The following XRCC5 variants were observed in gnomAD, a reference collection of about 807,000 sequenced individuals.
XRCC5 encodes X-ray repair cross complementing 5.
XRCC5 carries 12 observed loss-of-function variants against 95.7 expected under a neutral mutation model. That is an observed-to-expected ratio of 0.13 (90% confidence interval 0.08 to 0.20). The LOEUF (loss-of-function observed/expected upper bound fraction) is 0.20, where lower values mean the gene tolerates loss of function less well. Ranked by LOEUF, XRCC5 falls within the 10% of genes least tolerant of loss-of-function variation. The pLI is 1.00. For missense variants in XRCC5, 595 were observed against 873.9 expected, an observed-to-expected ratio of 0.68 and a Z score of 4.02; for synonymous variants, 281 against 290.3, an observed-to-expected ratio of 0.97 and a Z score of 0.33.
intron 2 of XRCC5, among the ~76,000 whole-genome samples, chr2:216,114,529 A>G (rs1039261871): frequency 6.6e-6 from 1 of 151,578 alleles, no homozygotes; most frequent in African/African-American, 2.4e-5. Context: ...GCCCCCGAGA[A>G]TGTTGGGCAT....
chr2:216,141,117 C>T (rs774812546), intron 12 of XRCC5, 69 bp from the exon 13 acceptor site: 94 of 1,580,778 alleles, frequency 5.9e-5, no homozygotes, highest in East Asian at 6.7e-5. Context: ...GATATCTCTA[C>T]GTAGAAAGCA....
chr2:216,187,857 T>TCTCTCTCCCC (rs1239439771), intron 16 of XRCC5, among the ~76,000 whole-genome samples: 1 of 117,226 alleles, frequency 8.5e-6, no homozygotes, highest in Admixed American at 7.9e-5. Context: ...TCTCTCTCTC[T>TCTCTCTCCCC]CTCTCCCCGT....
At chr2:216,130,756 A>G (rs1407204280) in intron 8 of XRCC5, 119 bp from the exon 9 acceptor site, 2 of 603,994 alleles carry the variant, frequency 3.3e-6, no homozygotes, top group South Asian at 2.4e-5. Context: ...TCCAGGGAAT[A>G]GAAGATGGAG....
chr2:216,135,765 C>T (rs1213703830), intron 10 of XRCC5, among the ~76,000 whole-genome samples: 2 of 151,170 alleles, frequency 1.3e-5, no homozygotes, highest in African/African-American at 2.4e-5. Flanking sequence ...TGCCACTGCA[C>T]TCCAGCCTGG....
intron 19 of XRCC5, among the ~76,000 whole-genome samples, chr2:216,202,037 A>T (rs1445378218): frequency 6.6e-6 from 1 of 152,158 alleles, no homozygotes; most frequent in Non-Finnish European, 1.5e-5. Flanking sequence ...TCTTCCTAGG[A>T]ATTTGGCCTA....
chr2:216,111,854 C>G (rs1696596468), intron 1 of XRCC5, among the ~76,000 whole-genome samples: 1 of 152,134 alleles, frequency 6.6e-6, no homozygotes, highest in African/African-American at 2.4e-5. Context: ...AAGTGACATT[C>G]CCAAGGACTC....
intron 10 of XRCC5, among the ~76,000 whole-genome samples, chr2:216,135,217 C>CAG (rs145660096): frequency 1.3e-4 from 19 of 149,296 alleles, no homozygotes; most frequent in South Asian, 2.1e-4. Context: ...GGAGTTTCTG[C>CAG]AGAGAGAGAG....
intron 16 of XRCC5, among the ~76,000 whole-genome samples, chr2:216,184,343 A>G (rs773020576): frequency 9.2e-5 from 14 of 152,314 alleles, no homozygotes; most frequent in East Asian, 1.9e-4. Context: ...GCTTTTATCA[A>G]ATGTCTGGGA....
At chr2:216,151,354 C>A (rs1023402399) in intron 14 of XRCC5, among the ~76,000 whole-genome samples, 1 of 152,218 alleles carries the variant, frequency 6.6e-6, no homozygotes, top group Non-Finnish European at 1.5e-5. Flanking sequence ...CATCTCAGGT[C>A]TAATCCTGCT....
intron 19 of XRCC5, among the ~76,000 whole-genome samples, chr2:216,196,887 C>T (rs1466533470): frequency 6.6e-6 from 1 of 152,204 alleles, no homozygotes; most frequent in Non-Finnish European, 1.5e-5. Context: ...TTCATTGTCA[C>T]ATGGTGTGAA....
Position 216,137,129 on chromosome 2 carries a change from T to A in XRCC5, c.1155T>A (p.Asp385Glu). 1 of 1,613,956 alleles carries A rather than the reference T, an allele frequency of 6.2e-7. No homozygotes were observed. ...TTTCCTCCCTGATTCATGCTTTGGA[T>A]GACTTAGACATGGTGGCCATAGTTC... Reference protein sequence around the residue: ...VALSSLIHALDDLDMVAIVRY... With the variant: ...VALSSLIHALEDLDMVAIVRY... Residue 385 changes from aspartate (D) to glutamate (E), a missense_variant, in exon 11 of 21, where the codon GAT becomes GAA. By Grantham distance (45) the Asp-to-Glu change is conservative. Around this residue, in one of 2 missense-constraint regions of XRCC5, gnomAD observed 286 missense variants for 491.1 expected, o/e 0.58. Coordinates refer to ENST00000392132, the MANE Select transcript of XRCC5 (RefSeq NM_021141.4).
chr2:216,187,819 A>ACACACACACACACC, intron 16 of XRCC5, among the ~76,000 whole-genome samples: 1 of 50,972 alleles, frequency 2.0e-5, no homozygotes. Flanking sequence ...ACACACACAC[A>ACACACACACACACC]CACTCTCTCT....
chr2:216,154,689 C>G (rs187389864), intron 14 of XRCC5, among the ~76,000 whole-genome samples: 3 of 152,336 alleles, frequency 2.0e-5, no homozygotes, highest in East Asian at 1.9e-4. Context: ...GATACAAAAT[C>G]TATGAACTGT....
Position 216,180,843 on chromosome 2 carries a change from G to A in XRCC5, c.1835-9382G>A, listed in dbSNP as rs1227805969. ...TTTTTTTTTTCCGAGATGGAGTTTC[G>A]CTGTCGTTGCCCGGGCTGGAGTGCA... On this transcript the variant is annotated intron_variant, in intron 16 of 20. Transcript: ENST00000392132. 4.1e-5 allele frequency among the ~76,000 whole-genome samples: 6 copies of A among 146,012 alleles called. No individual in the cohort carries two copies. In the East Asian group the frequency reaches 6.0e-4, roughly 15 times the overall value.
At chr2:216,154,728 A>G (rs1055408196) in intron 14 of XRCC5, among the ~76,000 whole-genome samples, 3 of 152,190 alleles carry the variant, frequency 2.0e-5, no homozygotes, top group African/African-American at 7.2e-5. Flanking sequence ...TAACATACTA[A>G]GTTTTGAAGT....
chr2:216,186,653 G>A (rs1159549360), intron 16 of XRCC5, among the ~76,000 whole-genome samples: 2 of 152,090 alleles, frequency 1.3e-5, no homozygotes, highest in Non-Finnish European at 2.9e-5. Flanking sequence ...CCTTCCAATG[G>A]CCATTTTTTA....
intron 16 of XRCC5, among the ~76,000 whole-genome samples, chr2:216,184,059 TGTGTGTGTGTGTGTGA>T (rs1016693387): frequency 6.7e-6 from 1 of 149,960 alleles, no homozygotes; most frequent in Non-Finnish European, 1.5e-5. Flanking sequence ...TGTGTGTGTG[TGTGTGTGTGTGTGTGA>T]TTTAGAGAAA....
chr2:216,166,303 G>A (rs1010978547), intron 16 of XRCC5, among the ~76,000 whole-genome samples: 5 of 151,994 alleles, frequency 3.3e-5, no homozygotes, highest in African/African-American at 9.7e-5. Flanking sequence ...TGTAGTTTTT[G>A]TAGAGATGAG....
intron 3 of XRCC5, 95 bp downstream of exon 3, chr2:216,116,937 G>A: frequency 1.5e-6 from 2 of 1,351,680 alleles, no homozygotes; most frequent in Middle Eastern, 1.9e-4. Flanking sequence ...TTTCAGCTAT[G>A]AGTATATGGG....
Sources: gnomAD v4.1 joint callset for allele counts (sites outside exome capture counted in the v4.1 genomes callset) on GRCh38, gnomAD v4.1.1 for gene constraint, gnomAD v4.1.1 regional missense constraint, MANE v1.5 for transcripts, NCBI Gene and HGNC (gene_info 2026-07-23, HGNC 2026-07-21) for gene names.